Variants in SIPA1L1 observed in about 807,000 individuals in gnomAD.
SIPA1L1 encodes signal induced proliferation associated 1 like 1, also known as signal-induced proliferation-associated 1-like protein 1.
In SIPA1L1, 26 loss-of-function variants were observed where a neutral mutation model predicts 162.7. The ratio of observed to expected loss-of-function variants is 0.16; its 90% CI spans 0.12 to 0.22. The LOEUF is 0.22. Among genes scored for constraint, SIPA1L1 ranks in the 10% least tolerant of loss-of-function variants. SIPA1L1 has a pLI of 1.00. For synonymous variants in SIPA1L1, 829 were observed against 837.4 expected, an observed-to-expected ratio of 0.99 and a Z score of 0.17; for missense variants, 1,874 against 2,241.0, an observed-to-expected ratio of 0.84 and a Z score of 3.31.
chr14:71,532,194 T>G (rs922122487), intron 4 of SIPA1L1, among the ~76,000 whole-genome samples: 1 of 152,180 alleles, frequency 6.6e-6, no homozygotes, highest in African/African-American at 2.4e-5. Flanking sequence ...ATGTATTGGT[T>G]GTTGTGTAAT....
chr14:71,685,526 C>T lies in SIPA1L1; in HGVS notation c.3269C>T (p.Thr1090Ile), dbSNP rs1332762128. The T allele has an allele frequency of 6.2e-7, 1 of 1,614,204 alleles. No homozygotes were observed. The highest frequency in any genetic ancestry group is 8.5e-7 in the Non-Finnish European group (1 of 1,180,034). The change falls in exon 13 of 24, where the codon ACC becomes ATC. Residue 1090 changes from threonine (T) to isoleucine (I), a missense_variant. Physicochemically the swap from Thr to Ile is moderately conservative, Grantham distance 89 (BLOSUM62 -1). Transcript: ENST00000381232. ...CCGTCCCAGGTGCAGAGTCCCATGACCTCGCGGCTGAATGCTGGAAAAGGA... is the reference window on the plus strand; with the variant it reads ...CCGTCCCAGGTGCAGAGTCCCATGATCTCGCGGCTGAATGCTGGAAAAGGA... Reference protein sequence around the residue: ...QVPSQVQSPMTSRLNAGKGDG... With the variant: ...QVPSQVQSPMISRLNAGKGDG...
At chr14:71,356,583 A>AAAAAAAAAAAAAAAAAAAAC (rs2037283047) in intron 2 of SIPA1L1, among the ~76,000 whole-genome samples, 2 of 145,686 alleles carry the variant, frequency 1.4e-5, no homozygotes, top group African/African-American at 2.5e-5. Context: ...AAAAAAAAAA[A>AAAAAAAAAAAAAAAAAAAAC]AAAAGCACAC....
intron 8 of SIPA1L1, among the ~76,000 whole-genome samples, chr14:71,652,068 A>T (rs2042667475): frequency 6.6e-6 from 1 of 151,526 alleles, no homozygotes; most frequent in Non-Finnish European, 1.5e-5. Flanking sequence ...AAGGATTCAA[A>T]GAATCCTTCT....
At chr14:71,445,044 T>C (rs1285610579) in intron 2 of SIPA1L1, among the ~76,000 whole-genome samples, 1 of 152,204 alleles carries the variant, frequency 6.6e-6, no homozygotes, top group Non-Finnish European at 1.5e-5. Flanking sequence ...ATTTGTGATA[T>C]GAACTTTAGA....
chr14:71,632,285 T>C (rs531375928), intron 7 of SIPA1L1, among the ~76,000 whole-genome samples: 1 of 152,304 alleles, frequency 6.6e-6, no homozygotes, highest in East Asian at 1.9e-4. Flanking sequence ...TTTGCTCATA[T>C]ATCCCAGTCT....
intron 2 of SIPA1L1, chr14:71,448,859 C>T (rs2045607560): frequency 6.6e-6 from 1 of 152,308 alleles, no homozygotes; most frequent in Admixed American, 6.5e-5. Flanking sequence ...GAGGGGTCAA[C>T]TGGCCCAGGT....
chr14:71,733,902 A>T (rs775772540), intron 21 of SIPA1L1, 90 bp downstream of exon 21: 19 of 1,358,078 alleles, frequency 1.4e-5, no homozygotes, highest in Non-Finnish European at 1.9e-5. Flanking sequence ...ACACACTCAA[A>T]ACATATGTGC....
chr14:71,529,314 T>A lies in SIPA1L1; in HGVS notation c.-359T>A. 1 of 654,504 alleles carries A rather than the reference T, an allele frequency of 1.5e-6. No homozygotes were observed. Among genetic ancestry groups the A allele is most frequent in the Non-Finnish European group, 2.7e-6 (1 of 365,192 alleles). 40.5% of individuals were successfully genotyped at this position (654,504 alleles called of 1,614,324 possible). A position where few individuals can be genotyped will look rare whatever the true frequency, so the allele number is the denominator to read the frequency against. ...TTTTTTTTCTAATTTTATTTCAGGT[T>A]ATACCTTATTGGTGTGGACGTTGTC... On this transcript the variant is annotated splice_region_variant and 5_prime_UTR_variant, in exon 4 of 24. Coordinates refer to ENST00000381232, the MANE Select transcript of SIPA1L1 (RefSeq NM_001386936.1).
intron 3 of SIPA1L1, among the ~76,000 whole-genome samples, chr14:71,523,324 C>A (rs2052543050): frequency 1.3e-5 from 2 of 151,554 alleles, no homozygotes; most frequent in African/African-American, 4.9e-5. Flanking sequence ...AGTTATGACT[C>A]AGAATCCCTT....
chr14:71,499,984 G>A (rs2050077960), intron 2 of SIPA1L1, among the ~76,000 whole-genome samples: 1 of 152,086 alleles, frequency 6.6e-6, no homozygotes, highest in South Asian at 2.1e-4. Flanking sequence ...TGCCAAATTT[G>A]TTAGAAATTA....
At chr14:71,715,602 C>A (rs117395809) in intron 17 of SIPA1L1, among the ~76,000 whole-genome samples, 2,022 of 152,328 alleles carry the variant, frequency 0.013, 23 homozygotes, top group Middle Eastern at 0.034. Context: ...GCTGTTTTTA[C>A]ATGTCTGTTG....
At chr14:71,440,122 T>C (rs2044717200) in intron 2 of SIPA1L1, among the ~76,000 whole-genome samples, 1 of 152,102 alleles carries the variant, frequency 6.6e-6, no homozygotes, top group African/African-American at 2.4e-5. Flanking sequence ...GCCTCCCAGG[T>C]TGAAGCAATT....
chr14:71,681,495 C>A (rs1454797259), intron 12 of SIPA1L1, among the ~76,000 whole-genome samples: 1 of 152,192 alleles, frequency 6.6e-6, no homozygotes, highest in Non-Finnish European at 1.5e-5. Context: ...GACCAAATTA[C>A]CTCTTAAATA....
At chr14:71,486,934 C>T (rs535477957) in intron 2 of SIPA1L1, among the ~76,000 whole-genome samples, 1 of 152,248 alleles carries the variant, frequency 6.6e-6, no homozygotes, top group South Asian at 2.1e-4. Flanking sequence ...GTAAAATTAT[C>T]CGGTCTTTCT....
At chr14:71,738,369 T>C in intron 23 of SIPA1L1, 44 bp downstream of exon 23, 3 of 1,359,632 alleles carry the variant, frequency 2.2e-6, no homozygotes, top group Admixed American at 1.7e-5. Context: ...CTGTACAAAC[T>C]ACCCTTGAAC....
At chr14:71,644,219 ATCTT>A (rs1317362955) in intron 7 of SIPA1L1, among the ~76,000 whole-genome samples, 1 of 151,378 alleles carries the variant, frequency 6.6e-6, no homozygotes. Context: ...CTTTGAATGA[ATCTT>A]TCTTTTCCTT....
intron 2 of SIPA1L1, chr14:71,321,943 G>C (rs1294806581): frequency 1.3e-5 from 2 of 152,158 alleles, no homozygotes; most frequent in African/African-American, 2.4e-5. Context: ...GTTGGCATTC[G>C]TTTTCTAAGA....
intron 2 of SIPA1L1, among the ~76,000 whole-genome samples, chr14:71,395,929 C>T (rs543412632): frequency 1.3e-5 from 2 of 152,206 alleles, no homozygotes; most frequent in East Asian, 3.9e-4. Context: ...AGTAACTTGC[C>T]CAGGGACAAA....
At chr14:71,641,064 A>G (rs1434357149) in intron 7 of SIPA1L1, among the ~76,000 whole-genome samples, 1 of 152,206 alleles carries the variant, frequency 6.6e-6, no homozygotes, top group Non-Finnish European at 1.5e-5. Context: ...AAGAACGGAG[A>G]CAAGAAAACA....
Sources: gnomAD v4.1 joint callset for allele counts (sites outside exome capture counted in the v4.1 genomes callset) on GRCh38, gnomAD v4.1.1 for gene constraint, MANE v1.5 for transcripts, NCBI Gene and HGNC (gene_info 2026-07-23, HGNC 2026-07-21) for gene names.